The following DOCK5 variants were observed in gnomAD, a reference collection of about 807,000 sequenced individuals.
The protein encoded by DOCK5 is dedicator of cytokinesis protein 5.
DOCK5 carries 142 observed loss-of-function variants against 251.8 expected under a neutral mutation model. That is an observed-to-expected ratio of 0.56 (90% CI 0.49 to 0.65). The LOEUF (loss-of-function observed/expected upper bound fraction) is 0.65. Ranked by LOEUF, DOCK5 falls within the 30% of genes least tolerant of loss-of-function variation. The probability of loss-of-function intolerance (pLI) is 0.00; values close to 1 mark genes in which losing one functional copy is unlikely to be tolerated. For missense variants in DOCK5, 2,111 were observed against 2,312.3 expected, an observed-to-expected ratio of 0.91 and a Z score of 1.79; for synonymous variants, 842 against 835.5, an observed-to-expected ratio of 1.01 and a Z score of -0.13.
At chr8:25,331,605 A>G (rs1805682567) in intron 18 of DOCK5, among the ~76,000 whole-genome samples, 1 of 152,116 alleles carries the variant, frequency 6.6e-6, no homozygotes, top group African/African-American at 2.4e-5. Context: ...AACTCTGGGG[A>G]AAACAGTATG....
At chr8:25,355,516 C>A (rs1220183287) in intron 27 of DOCK5, among the ~76,000 whole-genome samples, 1 of 152,160 alleles carries the variant, frequency 6.6e-6, no homozygotes, top group Non-Finnish European at 1.5e-5. Context: ...GGGGTGCTAT[C>A]TCGGCTCACT....
chr8:25,260,502 A>T (rs1389015062), intron 2 of DOCK5, among the ~76,000 whole-genome samples: 1 of 152,184 alleles, frequency 6.6e-6, no homozygotes, highest in African/African-American at 2.4e-5. Flanking sequence ...TCAGCATCTG[A>T]ATGATGCTTT....
At chr8:25,240,254 T>G (rs1417656890) in intron 1 of DOCK5, among the ~76,000 whole-genome samples, 1 of 149,472 alleles carries the variant, frequency 6.7e-6, no homozygotes, top group Non-Finnish European at 1.5e-5. Context: ...ATCAGTAGAG[T>G]GAGGGTAAGA....
chr8:25,365,263 C>T (rs1800756359), intron 30 of DOCK5, among the ~76,000 whole-genome samples: 2 of 152,144 alleles, frequency 1.3e-5, no homozygotes, highest in Non-Finnish European at 1.5e-5. Flanking sequence ...GGGGCATTTC[C>T]CTGGTGAAGG....
intron 26 of DOCK5, among the ~76,000 whole-genome samples, chr8:25,347,991 C>T (rs1800400420): frequency 6.6e-6 from 1 of 152,122 alleles, no homozygotes; most frequent in Non-Finnish European, 1.5e-5. Flanking sequence ...ATATTATGTT[C>T]CCTGTAATGA....
chr8:25,343,930 C>T (rs1387772133), intron 25 of DOCK5, among the ~76,000 whole-genome samples: 4 of 152,184 alleles, frequency 2.6e-5, no homozygotes, highest in Non-Finnish European at 4.4e-5. Context: ...CTCAGCCTCC[C>T]AAGTAGCTGG....
At chr8:25,226,299 T>A (rs1329822408) in intron 1 of DOCK5, among the ~76,000 whole-genome samples, 4 of 142,354 alleles carry the variant, frequency 2.8e-5, no homozygotes, top group Non-Finnish European at 6.0e-5. Context: ...TCTCACTCTG[T>A]CACCCAGGCT....
chr8:25,413,527 C>T lies in DOCK5; in HGVS notation c.*2229C>T, dbSNP rs1382003422. 6.6e-6 allele frequency: 1 copy of T among 152,138 alleles called. No individual in the cohort carries two copies. Among genetic ancestry groups the T allele is most frequent in the South Asian group, 2.1e-4 (1 of 4,822 alleles). 9.4% of individuals were successfully genotyped at this position (152,138 alleles called of 1,614,324 possible). On this transcript the variant is annotated 3_prime_UTR_variant, in exon 52 of 52. Transcript: ENST00000276440. Reference sequence around the variant, plus strand: ...ACTTCTGAGAAGTCACCCAGCAGACCGGCTAGAGGGGATTTGTGTGCCACA... The same window carrying T: ...ACTTCTGAGAAGTCACCCAGCAGACTGGCTAGAGGGGATTTGTGTGCCACA...
At chr8:25,301,549 G>A (rs1390267045) in intron 9 of DOCK5, among the ~76,000 whole-genome samples, 2 of 151,970 alleles carry the variant, frequency 1.3e-5, no homozygotes, top group African/African-American at 4.8e-5. Context: ...CTCATTCCTG[G>A]GTTTACTCAC....
chr8:25,328,104 G>A (rs1351866328), intron 18 of DOCK5, among the ~76,000 whole-genome samples: 1 of 151,962 alleles, frequency 6.6e-6, no homozygotes, highest in Non-Finnish European at 1.5e-5. Context: ...CAGCTGGTGA[G>A]TTTTGTGTTG....
At chr8:25,200,022 A>G (rs1293423087) in intron 1 of DOCK5, among the ~76,000 whole-genome samples, 1 of 152,216 alleles carries the variant, frequency 6.6e-6, no homozygotes, top group Non-Finnish European at 1.5e-5. Context: ...TTATGTGGTT[A>G]TATATACTTT....
At chr8:25,309,162 A>G (rs1360323383) in intron 12 of DOCK5, among the ~76,000 whole-genome samples, 1 of 152,088 alleles carries the variant, frequency 6.6e-6, no homozygotes, top group Non-Finnish European at 1.5e-5. Context: ...TTTTTATCCC[A>G]TGAGTCTTTA....
At chr8:25,201,721 C>T (rs531004726) in intron 1 of DOCK5, among the ~76,000 whole-genome samples, 1 of 152,170 alleles carries the variant, frequency 6.6e-6, no homozygotes, top group Non-Finnish European at 1.5e-5. Context: ...ATATAAGGCT[C>T]TAAGTCAAGT....
At position 25,412,709 on chromosome 8, in the gene DOCK5, G is replaced by A. The variant is rs1801652478; in HGVS notation, c.*1411G>A. On this transcript the variant is annotated 3_prime_UTR_variant, in exon 52 of 52. Transcript: ENST00000276440. The stretch of plus-strand genomic sequence containing the variant: ...TGCTGGTGGTCTCTCCCACAACCTT[G>A]CCCAGAGTCCTTTCCACTAAGGAGG... 6.6e-6 allele frequency: 1 copy of A among 152,226 alleles called. No homozygotes were observed. The highest frequency in any genetic ancestry group is 2.1e-4 in the South Asian group (1 of 4,828). 9.4% of individuals were successfully genotyped at this position (152,226 alleles called of 1,614,324 possible). A position where few individuals can be genotyped will look rare whatever the true frequency, so the allele number is the denominator to read the frequency against.
In DOCK5 at chr8:25,372,559, G is replaced by C. The variant is rs200374960; in HGVS notation, c.3525G>C (p.Leu1175=). Residue 1175 remains leucine, a splice_region_variant and synonymous_variant, in exon 35 of 52, where the codon CTG becomes CTC. Transcript: ENST00000276440. ...TTTGTCTCTCCCTCCGCCCCTCCAG[G>C]CTCCTAGAACATTGCCGGAAACACA... ...DEQYKVLLEK[L]LLEHCRKHKY... 1.3e-6 allele frequency: 2 copies of C among 1,569,404 alleles called. No individual in the cohort carries two copies. Among genetic ancestry groups the C allele is most frequent in the East Asian group, 4.6e-5 (2 of 43,254 alleles).
intron 33 of DOCK5, 45 bp downstream of exon 33, chr8:25,368,770 T>A (rs1800822748): frequency 6.4e-7 from 1 of 1,568,014 alleles, no homozygotes; most frequent in Non-Finnish European, 8.7e-7. Context: ...GGACATATAG[T>A]CAAATCATAA....
At chr8:25,300,943 T>G (rs1447569336) in intron 9 of DOCK5, among the ~76,000 whole-genome samples, 3 of 152,170 alleles carry the variant, frequency 2.0e-5, no homozygotes, top group Non-Finnish European at 4.4e-5. Flanking sequence ...CTCACGCCTG[T>G]AATCCCAGGA....
intron 2 of DOCK5, among the ~76,000 whole-genome samples, chr8:25,244,445 C>G (rs1295906220): frequency 2.6e-5 from 4 of 152,206 alleles, no homozygotes; most frequent in Non-Finnish European, 5.9e-5. Context: ...ATCCAAACCT[C>G]TGGAGCACAA....
intron 47 of DOCK5, among the ~76,000 whole-genome samples, chr8:25,401,880 G>A (rs965401813): frequency 1.3e-5 from 2 of 152,100 alleles, no homozygotes; most frequent in African/African-American, 2.4e-5. Context: ...CAGTTTTCAC[G>A]CCTTTGAAGG....
Sources: allele counts gnomAD v4.1 joint callset (sites outside exome capture counted in the v4.1 genomes callset), GRCh38; gene constraint gnomAD v4.1.1; transcripts MANE v1.5; gene names NCBI Gene and HGNC (gene_info 2026-07-23, HGNC 2026-07-21).